ANK3: variants seen among roughly 807,000 people sequenced by gnomAD.
The protein encoded by ANK3 is ankyrin 3.
Under a neutral mutation model 370.9 loss-of-function variants are expected in ANK3, and 57 were observed. That is an observed-to-expected ratio of 0.15 (90% CI 0.12 to 0.19). The LOEUF is 0.19. ANK3 is among the 10% of genes least tolerant of loss of function. The probability of loss-of-function intolerance (pLI) is 1.00; values close to 1 mark genes in which losing one functional copy is unlikely to be tolerated. For synonymous variants in ANK3, 1,929 were observed against 1,946.3 expected (o/e 0.99, Z 0.23); for missense variants, 4,439 against 5,302.1 (o/e 0.84, Z 5.06).
rs752794179 is a variant in ANK3 at position 60,086,699 on chromosome 10, C to T, written c.3726G>A (p.Leu1242=). The change falls in exon 30 of 44, where the codon CTG becomes CTA. Residue 1242 remains leucine, a synonymous_variant. Transcript: ENST00000280772. Reference sequence around the variant, plus strand: ...AACCTGTAATGCTACAGAGAAGACGCAGATTGGGTGTAGTGTCCCCTTTGT... The same window carrying T: ...AACCTGTAATGCTACAGAGAAGACGTAGATTGGGTGTAGTGTCCCCTTTGT... ...NGYKGDTTPN[L]RLLCSITGGT... is the part of the protein sequence containing the mutation. The T allele has an allele frequency of 5.6e-6, 9 of 1,613,782 alleles. No homozygotes were observed. Among genetic ancestry groups the T allele is most frequent in the Non-Finnish European group, 7.6e-6 (9 of 1,179,838 alleles).
intron 1 of ANK3, among the ~76,000 whole-genome samples, chr10:60,718,973 A>G (rs2079826556): frequency 6.6e-6 from 1 of 152,162 alleles, no homozygotes; most frequent in Non-Finnish European, 1.5e-5. Flanking sequence ...TTAATATATC[A>G]AACTATACAG....
chr10:60,521,953 G>C (rs1455048130), intron 2 of ANK3, among the ~76,000 whole-genome samples: 1 of 152,094 alleles, frequency 6.6e-6, no homozygotes, highest in Non-Finnish European at 1.5e-5. Flanking sequence ...TTTAAGCATG[G>C]AGGGATGGAG....
intron 2 of ANK3, among the ~76,000 whole-genome samples, chr10:60,560,868 T>A (rs2077320035): frequency 6.6e-6 from 1 of 152,190 alleles, no homozygotes; most frequent in Non-Finnish European, 1.5e-5. Flanking sequence ...ATAAAATCTT[T>A]TTCATTAATA....
At chr10:60,601,141 A>G (rs548247163) in intron 2 of ANK3, among the ~76,000 whole-genome samples, 2 of 151,320 alleles carry the variant, frequency 1.3e-5, no homozygotes, top group African/African-American at 4.9e-5. Context: ...AGTTCAATGG[A>G]TGATTACAAA....
At position 60,128,364 on chromosome 10, in the gene ANK3, T is replaced by A. The variant is rs12267153; in HGVS notation, c.2841+5907A>T. Among the ~76,000 whole-genome samples the A allele has an allele frequency of 5.4e-3, 766 of 142,796 alleles. 4 individuals are homozygous for A. Among genetic ancestry groups the A allele is most frequent in the African/African-American group, 0.019 (723 of 37,418 alleles). 93.7% of individuals were successfully genotyped at this position (142,796 alleles called of 152,430 possible). Reference sequence around the variant, plus strand: ...GTGAGTTACTCATGCTCTCTGTGCCTCAGTTTCTTCATTTTTTTTCTTTTT... The same window carrying A: ...GTGAGTTACTCATGCTCTCTGTGCCACAGTTTCTTCATTTTTTTTCTTTTT... On this transcript the variant is annotated intron_variant, in intron 25 of 43. Coordinates refer to ENST00000280772, the MANE Select transcript of ANK3 (RefSeq NM_020987.5).
chr10:60,397,032 G>A (rs944427190), intron 2 of ANK3, among the ~76,000 whole-genome samples: 7 of 152,084 alleles, frequency 4.6e-5, no homozygotes, highest in Non-Finnish European at 8.8e-5. Flanking sequence ...TAAAGGCAAA[G>A]GTACAAAGGA....
chr10:60,051,668 T>A, intron 42 of ANK3: 2 of 397,030 alleles, frequency 5.0e-6, no homozygotes, highest in Non-Finnish European at 6.8e-6. Flanking sequence ...TTTCTTCTTT[T>A]TTTTTTTTTT....
At chr10:60,182,149 T>A (rs886874103) in intron 17 of ANK3, among the ~76,000 whole-genome samples, 5 of 152,072 alleles carry the variant, frequency 3.3e-5, no homozygotes, top group Admixed American at 6.5e-5. Flanking sequence ...TTACCAAAAA[T>A]TATTTAAATG....
upstream of ANK3, among the ~76,000 whole-genome samples, chr10:60,393,166 A>G (rs2063147843): frequency 6.6e-6 from 1 of 152,332 alleles, no homozygotes; most frequent in Non-Finnish European, 1.5e-5. Flanking sequence ...TATAATAAAC[A>G]TAACAGCGGA....
intron 2 of ANK3, among the ~76,000 whole-genome samples, chr10:60,401,537 T>C (rs931262129): frequency 5.3e-5 from 8 of 152,326 alleles, no homozygotes; most frequent in African/African-American, 1.9e-4. Flanking sequence ...TTGTATATTA[T>C]CCCAAGCATC....
At chr10:60,240,141 T>C (rs1275797559) in intron 7 of ANK3, among the ~76,000 whole-genome samples, 10 of 124,312 alleles carry the variant, frequency 8.0e-5, no homozygotes, top group Non-Finnish European at 1.5e-4. Flanking sequence ...TACATATATA[T>C]ACACATATAT....
intron 2 of ANK3, among the ~76,000 whole-genome samples, chr10:60,583,797 A>G (rs1220055550): frequency 2.0e-5 from 3 of 151,932 alleles, no homozygotes; most frequent in Non-Finnish European, 4.4e-5. Context: ...TGTTGGCCAG[A>G]TTGGTCTCGA....
intron 41 of ANK3, among the ~76,000 whole-genome samples, chr10:60,057,826 A>G (rs1188307224): frequency 1.3e-5 from 2 of 152,244 alleles, no homozygotes; most frequent in African/African-American, 4.8e-5. Flanking sequence ...ATATCTGAAC[A>G]TAGACATCAA....
At chr10:60,129,920 CAG>C (rs2132168946) in intron 25 of ANK3, among the ~76,000 whole-genome samples, 1 of 152,278 alleles carries the variant, frequency 6.6e-6, no homozygotes, top group Non-Finnish European at 1.5e-5. Flanking sequence ...TTTTGGCTAA[CAG>C]AATTCTTTCA....
intron 7 of ANK3, among the ~76,000 whole-genome samples, chr10:60,257,168 C>T (rs1456207512): frequency 1.3e-5 from 2 of 152,182 alleles, no homozygotes; most frequent in Admixed American, 1.3e-4. Flanking sequence ...AAACATTGCT[C>T]TCATTTTATC....
chr10:60,113,249 T>C (rs992422710), intron 26 of ANK3, among the ~76,000 whole-genome samples: 7 of 152,282 alleles, frequency 4.6e-5, no homozygotes, highest in African/African-American at 1.4e-4. Context: ...AATTACAATT[T>C]AATACAACTT....
chr10:60,694,381 C>T (rs1472377108), intron 1 of ANK3, among the ~76,000 whole-genome samples: 1 of 152,128 alleles, frequency 6.6e-6, no homozygotes, highest in African/African-American at 2.4e-5. Context: ...CATTCAGATG[C>T]AGGAAATACA....
At chr10:60,279,366 A>G (rs1022812842) in intron 2 of ANK3, among the ~76,000 whole-genome samples, 172 bp downstream of exon 2, 2 of 152,222 alleles carry the variant, frequency 1.3e-5, no homozygotes, top group African/African-American at 4.8e-5. Context: ...TTAATTATTA[A>G]GGGACATATG....
chr10:60,679,993 G>A (rs1377421823), intron 1 of ANK3, among the ~76,000 whole-genome samples: 1 of 151,780 alleles, frequency 6.6e-6, no homozygotes, highest in African/African-American at 2.4e-5. Context: ...AAATTAGCCA[G>A]GCGTGGTGGT....
Sources: allele counts gnomAD v4.1 joint callset (sites outside exome capture counted in the v4.1 genomes callset), GRCh38; gene constraint gnomAD v4.1.1; transcripts MANE v1.5; gene names NCBI Gene and HGNC (gene_info 2026-07-23, HGNC 2026-07-21).